ZRANB3: variants seen among roughly 807,000 people sequenced by gnomAD.
ZRANB3 encodes zinc finger RANBP2-type containing 3, also known as DNA annealing helicase and endonuclease ZRANB3.
ZRANB3 carries 125 observed loss-of-function variants against 133.8 expected under a neutral mutation model. The observed-to-expected ratio is 0.93, with a 90% CI of 0.81 to 1.08. The LOEUF (loss-of-function observed/expected upper bound fraction) is 1.08, where lower values mean the gene tolerates loss of function less well. Ranked by LOEUF, ZRANB3 falls within the 50% of genes least tolerant of loss-of-function variation. ZRANB3 has a pLI of 0.00. For missense variants in ZRANB3, 1,229 were observed against 1,275.5 expected (o/e 0.96, Z 0.56); for synonymous variants, 387 against 432.7 (o/e 0.89, Z 1.31).
At chr2:135,327,273 A>C (rs1457070048) in intron 6 of ZRANB3, among the ~76,000 whole-genome samples, 9 of 152,224 alleles carry the variant, frequency 5.9e-5, no homozygotes, top group Non-Finnish European at 1.2e-4. Flanking sequence ...ATGCCTAAAG[A>C]AAAATTGGTT....
intron 2 of ZRANB3, among the ~76,000 whole-genome samples, chr2:135,447,420 T>C (rs1690072603): frequency 1.3e-5 from 2 of 152,242 alleles, no homozygotes; most frequent in South Asian, 4.1e-4. Context: ...CTGTTCATTT[T>C]TCATAGCCAT....
chr2:135,469,034 A>T (rs1173748482), intron 2 of ZRANB3, among the ~76,000 whole-genome samples: 2 of 152,192 alleles, frequency 1.3e-5, no homozygotes, highest in African/African-American at 4.8e-5. Context: ...CCAAGGAATG[A>T]TCACTATAGT....
chr2:135,371,305 T>C (rs1686168043), intron 3 of ZRANB3, among the ~76,000 whole-genome samples: 1 of 152,222 alleles, frequency 6.6e-6, no homozygotes, highest in Non-Finnish European at 1.5e-5. Context: ...TTCTTTACGA[T>C]GCACTTGGAG....
intron 1 of ZRANB3, among the ~76,000 whole-genome samples, chr2:135,529,075 C>T (rs904255915): frequency 6.6e-6 from 1 of 152,202 alleles, no homozygotes; most frequent in Non-Finnish European, 1.5e-5. Context: ...AGGCACTGCT[C>T]TACCCAAAGT....
chr2:135,312,182 A>AG (rs1683024084), intron 8 of ZRANB3, among the ~76,000 whole-genome samples: 3 of 129,332 alleles, frequency 2.3e-5, no homozygotes, highest in Non-Finnish European at 5.0e-5. Context: ...ATTTTATTTT[A>AG]TTTTATTTTT....
At chr2:135,279,689 CA>C (rs1558882764) in intron 8 of ZRANB3, among the ~76,000 whole-genome samples, 2 of 152,128 alleles carry the variant, frequency 1.3e-5, no homozygotes, top group South Asian at 4.1e-4. Flanking sequence ...GCTTCCATCA[CA>C]ACCAGAGATG....
At chr2:135,274,837 A>C (rs1484405004) in intron 9 of ZRANB3, among the ~76,000 whole-genome samples, 2 of 152,166 alleles carry the variant, frequency 1.3e-5, no homozygotes, top group African/African-American at 2.4e-5. Flanking sequence ...CTTAACGAGC[A>C]TGCTGCCTTC....
chr2:135,398,896 C>T (rs1248856895), intron 2 of ZRANB3, among the ~76,000 whole-genome samples: 1 of 152,092 alleles, frequency 6.6e-6, no homozygotes, highest in Admixed American at 6.6e-5. Context: ...CCTATCCAAC[C>T]AATTAAAGTA....
chr2:135,385,769 G>C (rs928845526), intron 3 of ZRANB3, among the ~76,000 whole-genome samples: 9 of 152,194 alleles, frequency 5.9e-5, no homozygotes, highest in Non-Finnish European at 1.0e-4. Flanking sequence ...ATGGTGATCA[G>C]AAAACTGGCT....
chr2:135,331,425 GAC>G (rs1206008900), intron 6 of ZRANB3, among the ~76,000 whole-genome samples: 7 of 152,174 alleles, frequency 4.6e-5, no homozygotes, highest in African/African-American at 1.7e-4. Context: ...TGGTCTGAGA[GAC>G]AGTTTGTTGT....
At chr2:135,423,461 A>G (rs1341027768) in intron 2 of ZRANB3, among the ~76,000 whole-genome samples, 1 of 152,104 alleles carries the variant, frequency 6.6e-6, no homozygotes, top group Non-Finnish European at 1.5e-5. Context: ...TAAAAAATAA[A>G]TTTCTCCTTG....
At chr2:135,478,017 G>C in intron 2 of ZRANB3, among the ~76,000 whole-genome samples, 1 of 151,980 alleles carries the variant, frequency 6.6e-6, no homozygotes, top group Admixed American at 6.6e-5. Context: ...AGAAAAAAGA[G>C]TGTTAACAGT....
At chr2:135,291,762 C>A (rs1681750995) in intron 8 of ZRANB3, among the ~76,000 whole-genome samples, 1 of 147,392 alleles carries the variant, frequency 6.8e-6, no homozygotes. Context: ...CACCCCACAA[C>A]AGGCCCCAGT....
chr2:135,489,559 G>T (rs1225530545), intron 2 of ZRANB3, among the ~76,000 whole-genome samples: 1 of 151,750 alleles, frequency 6.6e-6, no homozygotes, highest in Non-Finnish European at 1.5e-5. Flanking sequence ...AACATAAAGA[G>T]GAGATGCAGG....
intron 1 of ZRANB3, among the ~76,000 whole-genome samples, chr2:135,518,599 C>A (rs1334421367): frequency 6.6e-6 from 1 of 152,204 alleles, no homozygotes; most frequent in East Asian, 1.9e-4. Flanking sequence ...ACTATCTAAC[C>A]AGTCTCAATG....
rs568956347 is a variant in ZRANB3, at chr2:135,421,526, G to A, written c.162-30706C>T. 2.2e-4 allele frequency among the ~76,000 whole-genome samples: 33 copies of A among 152,178 alleles called. No homozygotes were observed. The South Asian group carries it at 5.8e-3, about 27-fold the overall frequency. On this transcript the variant is annotated intron_variant, in intron 2 of 20. Coordinates refer to ENST00000264159, the MANE Select transcript of ZRANB3 (RefSeq NM_032143.4). ...CCCCCTTTTATAGTAGCACTTTAAA[G>A]CTTCCATTAGTCATCTTTCTTAATT...
At chr2:135,503,310 T>C (rs1057004087) in intron 2 of ZRANB3, among the ~76,000 whole-genome samples, 1 of 152,196 alleles carries the variant, frequency 6.6e-6, no homozygotes, top group Non-Finnish European at 1.5e-5. Flanking sequence ...GACAGAAGGA[T>C]AGAAGGATGG....
chr2:135,357,862 C>G (rs7577175), intron 3 of ZRANB3, among the ~76,000 whole-genome samples: 8,238 of 152,206 alleles, frequency 0.054, 406 homozygotes, highest in South Asian at 0.23. Context: ...TTCACAGAAG[C>G]TTTGGGTAGT....
chr2:135,426,860 AAAAATATATATATATATATATATATAT>A (rs1358402908), intron 2 of ZRANB3, among the ~76,000 whole-genome samples: 14 of 42,506 alleles, frequency 3.3e-4, no homozygotes, highest in African/African-American at 2.3e-3. Context: ...AAAAAAAAAA[AAAAATATATATATATATATATATATAT>A]ATATATATAT....
Sources: allele counts gnomAD v4.1 joint callset (sites outside exome capture counted in the v4.1 genomes callset), GRCh38; gene constraint gnomAD v4.1.1; transcripts MANE v1.5; gene names NCBI Gene and HGNC (gene_info 2026-07-23, HGNC 2026-07-21).